The following PDLIM1 variants were observed in gnomAD, a reference collection of about 807,000 sequenced individuals.
The protein encoded by PDLIM1 is PDZ and LIM domain protein 1.
Under a neutral mutation model 35.2 loss-of-function variants are expected in PDLIM1, and 25 were observed. That is an observed-to-expected ratio of 0.71 (90% CI 0.52 to 0.99). PDLIM1 has a LOEUF of 0.99. Among genes scored for constraint, PDLIM1 ranks in the 50% least tolerant of loss-of-function variants. PDLIM1 has a pLI of 0.00. For synonymous variants in PDLIM1, 152 were observed against 154.0 expected, an observed-to-expected ratio of 0.99 and a Z score of 0.10; for missense variants, 363 against 415.3, an observed-to-expected ratio of 0.87 and a Z score of 1.09.
Position 95,263,864 on chromosome 10 carries a change from G to A in PDLIM1, c.533C>T (p.Pro178Leu), listed in dbSNP as rs1222089796. Residue 178 changes from proline (P) to leucine (L), a missense_variant and splice_region_variant, in exon 4 of 7, where the codon CCC (proline) becomes CTC (leucine). Transcript: ENST00000329399. ...AGAGGAGGACTCCTGGGCTACTTAC[G>A]GTCTGCTGTTCGCCTCCACCCCGCT... is the stretch of plus-strand genomic sequence containing the variant. ...AASGVEANSR[P>L]LDHAQPPSSL... 13 of 1,609,154 alleles carry A rather than the reference G, an allele frequency of 8.1e-6. No individual in the cohort carries two copies. Among genetic ancestry groups the A allele is most frequent in the Admixed American group, 6.7e-5 (4 of 59,804 alleles).
chr10:95,267,505 G>GA (rs1328014140), intron 3 of PDLIM1, among the ~76,000 whole-genome samples: 1 of 152,196 alleles, frequency 6.6e-6, no homozygotes, highest in Non-Finnish European at 1.5e-5. Context: ...GAACTTTCCT[G>GA]AGAGGAGTTG....
intron 1 of PDLIM1, among the ~76,000 whole-genome samples, chr10:95,287,692 G>A (rs2035614781): frequency 6.6e-6 from 1 of 151,876 alleles, no homozygotes; most frequent in Non-Finnish European, 1.5e-5. Flanking sequence ...ATACCTCAAG[G>A]AAATGGGCAA....
chr10:95,240,601 T>C (rs1393009075), intron 5 of PDLIM1, among the ~76,000 whole-genome samples: 1 of 152,138 alleles, frequency 6.6e-6, no homozygotes, highest in Non-Finnish European at 1.5e-5. Context: ...TGGCACGTCA[T>C]TACCTATGTA....
intron 4 of PDLIM1, among the ~76,000 whole-genome samples, chr10:95,256,332 T>TA (rs45620531): frequency 6.6e-6 from 1 of 151,914 alleles, no homozygotes; most frequent in Non-Finnish European, 1.5e-5. Context: ...TTTTTGCAGA[T>TA]AAAAAAACAT....
chr10:95,248,485 T>C (rs1369289143), intron 4 of PDLIM1, among the ~76,000 whole-genome samples: 1 of 152,180 alleles, frequency 6.6e-6, no homozygotes, highest in African/African-American at 2.4e-5. Flanking sequence ...CAGCCTCAAG[T>C]GATCCTCCAG....
chr10:95,284,753 G>A (rs530510524), intron 1 of PDLIM1, among the ~76,000 whole-genome samples: 6 of 152,300 alleles, frequency 3.9e-5, no homozygotes, highest in African/African-American at 1.4e-4. Context: ...ATTAGTCCCT[G>A]AGTGTTCAGT....
intron 2 of PDLIM1, 125 bp from the exon 3 acceptor site, chr10:95,268,987 C>G (rs953050554): frequency 1.5e-6 from 1 of 670,526 alleles, no homozygotes. Flanking sequence ...CCCATCAGCT[C>G]TACCTTCCAT....
chr10:95,245,185 G>A (rs151118596), intron 5 of PDLIM1, among the ~76,000 whole-genome samples: 12 of 152,306 alleles, frequency 7.9e-5, no homozygotes, highest in African/African-American at 2.9e-4. Context: ...GGTGTAGCCA[G>A]GTGACTAAAT....
At chr10:95,283,325 T>C (rs913767780) in intron 1 of PDLIM1, among the ~76,000 whole-genome samples, 5 of 152,196 alleles carry the variant, frequency 3.3e-5, no homozygotes, top group African/African-American at 7.2e-5. Context: ...TATTCCCACA[T>C]TGCAAATGAG....
chr10:95,266,772 T>C (rs974774321), intron 3 of PDLIM1, among the ~76,000 whole-genome samples: 3 of 152,202 alleles, frequency 2.0e-5, no homozygotes, highest in African/African-American at 7.2e-5. Flanking sequence ...TGCATCTGGT[T>C]TGTACATAAA....
chr10:95,269,010 T>G, intron 2 of PDLIM1, 148 bp from the exon 3 acceptor site: 2 of 636,258 alleles, frequency 3.1e-6, no homozygotes, highest in Non-Finnish European at 5.6e-6. Flanking sequence ...GCCACCAGGT[T>G]GATCTTTTAA....
chr10:95,290,166 A>G lies in PDLIM1; in HGVS notation c.96+654T>C, dbSNP rs2133447357. On this transcript the variant is annotated intron_variant, in intron 1 of 6. Coordinates refer to ENST00000329399, the MANE Select transcript of PDLIM1 (RefSeq NM_020992.4). This position sits in a 1 kb window ranked among gnomAD's most constrained non-coding sequence, Gnocchi z 4.7. ...GGGCTGGTGCGGGGAGGGGAAAGAG[A>G]TAATCTGGGAATGCTAGGAAGAATG... 6.6e-6 allele frequency among the ~76,000 whole-genome samples: 1 copy of G among 152,268 alleles called. No homozygotes were observed. The highest frequency in any genetic ancestry group is 1.9e-4 in the East Asian group (1 of 5,184).
At chr10:95,287,201 T>C (rs1284887736) in intron 1 of PDLIM1, among the ~76,000 whole-genome samples, 1 of 152,222 alleles carries the variant, frequency 6.6e-6, no homozygotes, top group African/African-American at 2.4e-5. Flanking sequence ...GGTATCAATT[T>C]CACAGACCAA....
intron 1 of PDLIM1, among the ~76,000 whole-genome samples, chr10:95,283,196 ACACT>A (rs532310225): frequency 1.5e-3 from 236 of 152,334 alleles, no homozygotes; most frequent in African/African-American, 5.1e-3. Flanking sequence ...CACGTAATAA[ACACT>A]CAATATATAG....
At chr10:95,269,118 C>A (rs1200554891) in intron 2 of PDLIM1, among the ~76,000 whole-genome samples, 1 of 152,212 alleles carries the variant, frequency 6.6e-6, no homozygotes, top group African/African-American at 2.4e-5. Context: ...CTCTGGGTAG[C>A]TGACACCAGC....
chr10:95,245,663 G>A (rs565224834), intron 5 of PDLIM1, among the ~76,000 whole-genome samples: 1 of 152,326 alleles, frequency 6.6e-6, no homozygotes, highest in East Asian at 1.9e-4. Flanking sequence ...TACGAAGTAT[G>A]GCTCATTACT....
rs535028398 is a variant in PDLIM1, at chr10:95,277,696, C to A, written c.97-5912G>T. Among the ~76,000 whole-genome samples, 9 of 152,216 alleles carry A rather than the reference C, an allele frequency of 5.9e-5. No homozygotes were observed. In the South Asian group the frequency reaches 1.5e-3, roughly 25 times the overall value. On this transcript the variant is annotated intron_variant, in intron 1 of 6. Transcript: ENST00000329399. ...ACGGGTTTAGGCACAACAATTTCCA[C>A]TAATGAACAATCTATCATTTTCTGC... is the stretch of plus-strand genomic sequence containing the variant.
intron 5 of PDLIM1, among the ~76,000 whole-genome samples, chr10:95,241,721 G>A (rs921017211): frequency 6.6e-6 from 1 of 152,218 alleles, no homozygotes; most frequent in Non-Finnish European, 1.5e-5. Flanking sequence ...GGGCACTTGT[G>A]TGGTTTGGCC....
At chr10:95,267,376 T>G (rs1016175591) in intron 3 of PDLIM1, among the ~76,000 whole-genome samples, 4 of 152,196 alleles carry the variant, frequency 2.6e-5, no homozygotes, top group African/African-American at 9.6e-5. Flanking sequence ...AATTAAAATT[T>G]AACATTTATG....
Sources: allele counts gnomAD v4.1 joint callset (sites outside exome capture counted in the v4.1 genomes callset), GRCh38; gene constraint gnomAD v4.1.1; non-coding constraint Gnocchi (gnomAD v3.1); transcripts MANE v1.5; gene names NCBI Gene and HGNC (gene_info 2026-07-23, HGNC 2026-07-21).